SGCZ: variants seen among roughly 807,000 people sequenced by gnomAD.
SGCZ encodes the protein zeta-sarcoglycan.
SGCZ carries 40 observed loss-of-function variants against 41.3 expected under a neutral mutation model. The ratio of observed to expected loss-of-function variants is 0.97; its 90% CI spans 0.75 to 1.26. SGCZ has a LOEUF of 1.26. SGCZ is among the 50% of genes most tolerant of loss of function. The pLI is 0.00. For synonymous variants in SGCZ, 206 were observed against 137.5 expected (o/e 1.50, Z -3.49); for missense variants, 552 against 369.8 (o/e 1.49, Z -4.04).
chr8:14,390,563 T>C (rs1050592981), intron 2 of SGCZ, among the ~76,000 whole-genome samples: 3 of 151,946 alleles, frequency 2.0e-5, no homozygotes, highest in African/African-American at 7.2e-5. Flanking sequence ...AAAATTCTGA[T>C]TTAAAATTTT....
chr8:14,371,660 C>A (rs1563286084), intron 2 of SGCZ, among the ~76,000 whole-genome samples: 1 of 152,012 alleles, frequency 6.6e-6, no homozygotes, highest in Admixed American at 6.6e-5. Flanking sequence ...ATTAATCAAT[C>A]AAAAATCAAT....
chr8:14,557,257 C>T (rs1585077749), intron 1 of SGCZ, among the ~76,000 whole-genome samples: 1 of 146,646 alleles, frequency 6.8e-6, no homozygotes, highest in African/African-American at 2.5e-5. Context: ...CTATTTATGT[C>T]CTTACCCACT....
At chr8:14,666,001 T>C (rs1807898399) in intron 1 of SGCZ, among the ~76,000 whole-genome samples, 1 of 152,234 alleles carries the variant, frequency 6.6e-6, no homozygotes, top group South Asian at 2.1e-4. Flanking sequence ...GGGCAGCATG[T>C]AAGCCTTGCA....
At chr8:14,247,313 G>C (rs968862372) in intron 3 of SGCZ, among the ~76,000 whole-genome samples, 1 of 152,106 alleles carries the variant, frequency 6.6e-6, no homozygotes, top group Non-Finnish European at 1.5e-5. Context: ...AATCAGAGTA[G>C]TCCCCATCCT....
chr8:14,593,397 C>T (rs890598312), intron 1 of SGCZ, among the ~76,000 whole-genome samples: 1 of 152,100 alleles, frequency 6.6e-6, no homozygotes, highest in Admixed American at 6.5e-5. Flanking sequence ...GAACTTCTGG[C>T]GTCTTGATTT....
At chr8:14,983,916 T>G (rs1019416186) in intron 1 of SGCZ, among the ~76,000 whole-genome samples, 1 of 152,228 alleles carries the variant, frequency 6.6e-6, no homozygotes, top group African/African-American at 2.4e-5. Context: ...ATTATAAATG[T>G]ACCACAAACT....
At chr8:14,634,594 A>C (rs1423952898) in intron 1 of SGCZ, among the ~76,000 whole-genome samples, 1 of 151,910 alleles carries the variant, frequency 6.6e-6, no homozygotes, top group Non-Finnish European at 1.5e-5. Context: ...ACTTATCTAC[A>C]AAATGACTGT....
chr8:14,188,101 A>C (rs1286624143), intron 4 of SGCZ, among the ~76,000 whole-genome samples: 2 of 152,240 alleles, frequency 1.3e-5, no homozygotes, highest in African/African-American at 4.8e-5. Flanking sequence ...ACTATCTTTT[A>C]AAAATGAAGG....
At chr8:15,201,889 C>T (rs1490149933) in intron 1 of SGCZ, among the ~76,000 whole-genome samples, 1 of 152,102 alleles carries the variant, frequency 6.6e-6, no homozygotes, top group Non-Finnish European at 1.5e-5. Context: ...TAAAAAATAT[C>T]AAGCCAATTC....
At chr8:14,441,285 C>T (rs1486928941) in intron 2 of SGCZ, among the ~76,000 whole-genome samples, 1 of 152,118 alleles carries the variant, frequency 6.6e-6, no homozygotes, top group African/African-American at 2.4e-5. Context: ...TCATTTAAAA[C>T]AATCATTTTG....
At chr8:14,230,603 T>C (rs1038220072) in intron 4 of SGCZ, among the ~76,000 whole-genome samples, 2 of 152,084 alleles carry the variant, frequency 1.3e-5, no homozygotes, top group Non-Finnish European at 2.9e-5. Flanking sequence ...GATATCATGA[T>C]TTCCACATGA....
At position 14,496,968 on chromosome 8, in the gene SGCZ, G is replaced by A. The variant is rs141462982; in HGVS notation, c.234+57764C>T. Among the ~76,000 whole-genome samples, 63 of 152,062 alleles carry A rather than the reference G, an allele frequency of 4.1e-4. 1 individual carries two copies. Among genetic ancestry groups the A allele is most frequent in the Middle Eastern group, 3.4e-3 (1 of 294 alleles). On this transcript the variant is annotated intron_variant, in intron 2 of 7. Coordinates refer to ENST00000382080, the MANE Select transcript of SGCZ (RefSeq NM_139167.4). The stretch of plus-strand genomic sequence containing the variant: ...CTTTTAGGTTGTTTATTTCCCTGTA[G>A]CTGCTGCATAGTTTTCAATAAAATG...
At chr8:14,406,238 G>A (rs75212048) in intron 2 of SGCZ, among the ~76,000 whole-genome samples, 1 of 151,928 alleles carries the variant, frequency 6.6e-6, no homozygotes, top group East Asian at 1.9e-4. Context: ...TTCCGATGTC[G>A]GGCTCAGTTC....
chr8:14,475,223 G>C (rs1441906727), intron 2 of SGCZ, among the ~76,000 whole-genome samples: 4 of 151,960 alleles, frequency 2.6e-5, no homozygotes, highest in Admixed American at 2.6e-4. Flanking sequence ...AGTTTTATTT[G>C]CTTTTTTATT....
intron 1 of SGCZ, among the ~76,000 whole-genome samples, chr8:15,079,595 G>A (rs1323721756): frequency 1.3e-5 from 2 of 152,130 alleles, no homozygotes; most frequent in Non-Finnish European, 2.9e-5. Context: ...CCCAATATAT[G>A]TTTGGTGCAT....
chr8:14,845,996 G>A (rs1348242866), intron 1 of SGCZ, among the ~76,000 whole-genome samples: 2 of 152,114 alleles, frequency 1.3e-5, no homozygotes, highest in Non-Finnish European at 2.9e-5. Flanking sequence ...ATCATTATAA[G>A]CTTAAACATG....
At chr8:14,813,590 A>G (rs1801800670) in intron 1 of SGCZ, among the ~76,000 whole-genome samples, 1 of 152,220 alleles carries the variant, frequency 6.6e-6, no homozygotes, top group Non-Finnish European at 1.5e-5. Flanking sequence ...TTCCAGCTCC[A>G]GTACACAGAA....
intron 1 of SGCZ, among the ~76,000 whole-genome samples, chr8:15,051,539 T>A (rs565969846): frequency 3.3e-5 from 5 of 152,256 alleles, no homozygotes; most frequent in African/African-American, 1.2e-4. Context: ...AGGATTGGAA[T>A]TGTGGAGTGC....
In SGCZ at chr8:14,085,977, A is replaced by C. The variant is rs946079683; in HGVS notation, c.*4466T>G. On this transcript the variant is annotated 3_prime_UTR_variant, in exon 8 of 8. Transcript: ENST00000382080. Reference sequence around the variant, plus strand: ...TTCAGTATAAAACAACATGAATAACAGTGTTCAATTAAATTATTGATTAGT... The same window carrying C: ...TTCAGTATAAAACAACATGAATAACCGTGTTCAATTAAATTATTGATTAGT... 2.6e-5 allele frequency among the ~76,000 whole-genome samples: 4 copies of C among 151,766 alleles called. No individual in the cohort carries two copies. The highest frequency in any genetic ancestry group is 5.9e-5 in the Non-Finnish European group (4 of 67,784).
Sources: gnomAD v4.1 joint callset for allele counts (sites outside exome capture counted in the v4.1 genomes callset) on GRCh38, gnomAD v4.1.1 for gene constraint, MANE v1.5 for transcripts, NCBI Gene and HGNC (gene_info 2026-07-23, HGNC 2026-07-21) for gene names.